SLC25A42: variants seen among roughly 807,000 people sequenced by gnomAD.
The protein encoded by SLC25A42 is solute carrier family 25 member 42.
A neutral mutation model predicts 34.7 loss-of-function variants in SLC25A42; 19 were observed. The ratio of observed to expected loss-of-function variants is 0.55; its 90% confidence interval spans 0.38 to 0.80. SLC25A42 has a LOEUF of 0.80. Among genes scored for constraint, SLC25A42 ranks in the 30% least tolerant of loss-of-function variants. The probability of loss-of-function intolerance (pLI) is 0.00; values close to 1 mark genes in which losing one functional copy is unlikely to be tolerated. For missense variants in SLC25A42, 364 were observed against 441.3 expected (o/e 0.82, Z 1.57); for synonymous variants, 205 against 191.2 (o/e 1.07, Z -0.59).
intron 2 of SLC25A42, among the ~76,000 whole-genome samples, chr19:19,097,226 T>C (rs535903790): frequency 1.3e-5 from 2 of 152,222 alleles, no homozygotes; most frequent in African/African-American, 4.8e-5. Flanking sequence ...TCAAAGTCCA[T>C]GGGGTCAAAG....
At chr19:19,066,413 G>A (rs1337588890) in intron 1 of SLC25A42, among the ~76,000 whole-genome samples, 1 of 151,474 alleles carries the variant, frequency 6.6e-6, no homozygotes, top group Non-Finnish European at 1.5e-5. Flanking sequence ...GTCCCTTACT[G>A]ATGGCTGTTT....
intron 1 of SLC25A42, among the ~76,000 whole-genome samples, chr19:19,073,396 G>A (rs1228478269): frequency 6.6e-6 from 1 of 152,178 alleles, no homozygotes; most frequent in East Asian, 1.9e-4. Context: ...AACTTTGGGG[G>A]CAGTGAGGCC....
chr19:19,092,548 G>A (rs1305711306), intron 1 of SLC25A42, among the ~76,000 whole-genome samples: 2 of 152,214 alleles, frequency 1.3e-5, no homozygotes, highest in Non-Finnish European at 2.9e-5. Flanking sequence ...GCAGCCAAGG[G>A]AGGGTCTGAG....
In SLC25A42 at chr19:19,081,413, CAG is replaced by C. The variant is rs2145905045; in HGVS notation, c.-34-14676_-34-14675del. On this transcript the variant is annotated intron_variant, in intron 1 of 7. Transcript: ENST00000318596. The surrounding 1 kb of genome is among the most constrained non-coding windows in gnomAD (Gnocchi z 4.5). ...GTTGGCCCGTCTGTTTTTAAATAAACAGAAGCATGTTTCATGTTTTGTCCTCA... is the reference window on the plus strand; with the variant it reads ...GTTGGCCCGTCTGTTTTTAAATAAACAAGCATGTTTCATGTTTTGTCCTCA... Among the ~76,000 whole-genome samples, 1 of 152,196 alleles carries C rather than the reference CAG, an allele frequency of 6.6e-6. No homozygotes were observed. Among genetic ancestry groups the C allele is most frequent in the East Asian group, 1.9e-4 (1 of 5,196 alleles).
chr19:19,091,524 C>A (rs1484214362), intron 1 of SLC25A42, among the ~76,000 whole-genome samples: 2 of 151,906 alleles, frequency 1.3e-5, no homozygotes, highest in East Asian at 3.9e-4. Flanking sequence ...AAAATAAATT[C>A]AATATTTCTG....
chr19:19,075,966 G>T (rs182850749), intron 1 of SLC25A42, among the ~76,000 whole-genome samples: 1 of 152,270 alleles, frequency 6.6e-6, no homozygotes, highest in Admixed American at 6.5e-5. Flanking sequence ...AGGGGAGTGT[G>T]AAGTCTCATT....
chr19:19,094,330 C>G (rs2059753440), intron 1 of SLC25A42, among the ~76,000 whole-genome samples: 1 of 152,208 alleles, frequency 6.6e-6, no homozygotes. Flanking sequence ...TATATGGACT[C>G]ATGGTTATTT....
At chr19:19,094,429 G>A (rs1038292899) in intron 1 of SLC25A42, among the ~76,000 whole-genome samples, 10 of 151,998 alleles carry the variant, frequency 6.6e-5, no homozygotes, top group African/African-American at 2.4e-4. Flanking sequence ...GGTTCTTTCG[G>A]TGGGTGCCCA....
intron 2 of SLC25A42, among the ~76,000 whole-genome samples, chr19:19,101,046 G>A (rs764400133): frequency 1.8e-4 from 28 of 152,162 alleles, no homozygotes; most frequent in Non-Finnish European, 3.4e-4. Context: ...GTCAGCAGGG[G>A]AAATGGAAAC....
chr19:19,100,178 C>T (rs2059787508), intron 2 of SLC25A42, among the ~76,000 whole-genome samples: 1 of 151,832 alleles, frequency 6.6e-6, no homozygotes, highest in Admixed American at 6.6e-5. Flanking sequence ...CTCATTTCTA[C>T]TAAAAATACA....
At chr19:19,108,170 G>A (rs2059844185) in intron 7 of SLC25A42, 125 bp downstream of exon 7, 2 of 1,060,162 alleles carry the variant, frequency 1.9e-6, no homozygotes, top group Non-Finnish European at 2.6e-6. Context: ...GGTGGGGCAG[G>A]CTGTAGACCC....
At chr19:19,089,958 G>A (rs1174020935) in intron 1 of SLC25A42, among the ~76,000 whole-genome samples, 1 of 152,378 alleles carries the variant, frequency 6.6e-6, no homozygotes, top group South Asian at 2.1e-4. Flanking sequence ...TCCACTGGGG[G>A]TCCCTGGAGG....
Position 19,106,324 on chromosome 19 carries a change from G to A in SLC25A42, c.436G>A (p.Ala146Thr), listed in dbSNP as rs752073615. The change falls in exon 6 of 8, where the codon GCT (alanine) becomes ACT (threonine). Residue 146 changes from alanine to threonine, a missense_variant. Coordinates refer to ENST00000318596, the MANE Select transcript of SLC25A42 (RefSeq NM_178526.5). ...CGGCGCACTGGCTGGAACGACAGCC[G>A]CTTCACTGACCTACCCCCTGGACCT... ...FAGALAGTTAASLTYPLDLVR... is the reference protein window; with the variant it reads ...FAGALAGTTATSLTYPLDLVR... 43 of 1,613,426 alleles carry A rather than the reference G, an allele frequency of 2.7e-5. No individual in the cohort carries two copies. The highest frequency in any genetic ancestry group is 3.6e-5 in the Non-Finnish European group (42 of 1,179,958).
intron 2 of SLC25A42, among the ~76,000 whole-genome samples, chr19:19,097,169 T>G (rs2059770070): frequency 6.6e-6 from 1 of 152,006 alleles, no homozygotes; most frequent in Non-Finnish European, 1.5e-5. Context: ...CACGCAGAAA[T>G]CATCGCACTC....
Position 19,105,641 on chromosome 19 carries a change from G to T in SLC25A42, c.294G>T (p.Val98=), listed in dbSNP as rs145552056. Residue 98 remains valine, a synonymous_variant, in exon 5 of 8, where the codon GTG becomes GTT. Coordinates refer to ENST00000318596, the MANE Select transcript of SLC25A42 (RefSeq NM_178526.5). ...SLWRGNSATM[V]RVVPYAAIQF... ...GGCGCGGGAACTCGGCCACCATGGT[G>T]CGCGTGGTGCCCTACGCCGCCATCC... 3.7e-6 allele frequency: 6 copies of T among 1,613,640 alleles called. No homozygotes were observed. The African/African-American group carries it at 8.0e-5, about 22-fold the overall frequency.
intron 2 of SLC25A42, among the ~76,000 whole-genome samples, chr19:19,097,099 G>A (rs1171050647): frequency 6.6e-6 from 1 of 152,158 alleles, no homozygotes; most frequent in East Asian, 1.9e-4. Context: ...ATAGAAACCA[G>A]AACCCCCACT....
chr19:19,103,969 C>T (rs1051338798), intron 3 of SLC25A42, among the ~76,000 whole-genome samples: 1 of 151,960 alleles, frequency 6.6e-6, no homozygotes, highest in African/African-American at 2.4e-5. Context: ...TGCAGTGGTG[C>T]GATCTCGGCT....
At chr19:19,105,759 G>T in intron 5 of SLC25A42, 32 bp downstream of exon 5, 1 of 1,481,726 alleles carries the variant, frequency 6.7e-7, no homozygotes, top group Non-Finnish European at 9.0e-7. Context: ...CCACAGAATC[G>T]CCCCGCCCAC....
At position 19,065,900 on chromosome 19, in the gene SLC25A42, A is replaced by G. The variant is rs137941035; in HGVS notation, c.-35+1785A>G. Reference sequence around the variant, plus strand: ...GAGACGGAGTCTTGCTCTGTTGCCCAGGCTGGAGTGCAGTGGTGTGATCTC... The same window carrying G: ...GAGACGGAGTCTTGCTCTGTTGCCCGGGCTGGAGTGCAGTGGTGTGATCTC... On this transcript the variant is annotated intron_variant, in intron 1 of 7. Coordinates refer to ENST00000318596, the MANE Select transcript of SLC25A42 (RefSeq NM_178526.5). Among the ~76,000 whole-genome samples, 620 of 152,286 alleles carry G rather than the reference A, an allele frequency of 4.1e-3. 7 individuals carry two copies. The highest frequency in any genetic ancestry group is 0.014 in the African/African-American group (599 of 41,552).
Sources: allele counts gnomAD v4.1 joint callset (sites outside exome capture counted in the v4.1 genomes callset), GRCh38; gene constraint gnomAD v4.1.1; non-coding constraint Gnocchi (gnomAD v3.1); transcripts MANE v1.5; gene names NCBI Gene and HGNC (gene_info 2026-07-23, HGNC 2026-07-21).